The following CCDC171 variants were observed in gnomAD, a reference collection of about 807,000 sequenced individuals.
CCDC171 encodes the protein coiled-coil domain-containing protein 171.
A neutral mutation model predicts 168.2 loss-of-function variants in CCDC171; 177 were observed. The ratio of observed to expected loss-of-function variants is 1.05; its 90% CI spans 0.93 to 1.19. The LOEUF (loss-of-function observed/expected upper bound fraction) is 1.19, where lower values mean the gene tolerates loss of function less well. CCDC171 is among the 50% of genes most tolerant of loss of function. The probability of loss-of-function intolerance (pLI) is 0.00; values close to 1 mark genes in which losing one functional copy is unlikely to be tolerated. For synonymous variants in CCDC171, 687 were observed against 540.8 expected (o/e 1.27, Z -3.75); for missense variants, 1,991 against 1,539.0 (o/e 1.29, Z -4.91).
chr9:15,614,067 T>C (rs992532049), intron 6 of CCDC171, among the ~76,000 whole-genome samples: 1 of 152,194 alleles, frequency 6.6e-6, no homozygotes, highest in African/African-American at 2.4e-5. Context: ...CATTCAATGC[T>C]TTTGTGGGCT....
In CCDC171 at chr9:15,744,724, G is replaced by A. The variant is rs1393218007; in HGVS notation, c.2501G>A (p.Gly834Asp). ...ACCTGGATGGAGAGTTTCAAAGAAG[G>A]CATAGGCATGTTAGTGTGCACAGGA... is the stretch of plus-strand genomic sequence containing the variant. ...LFTWMESFKE[G>D]IGMLVCTGEP... The change falls in exon 17 of 26, where the codon GGC (glycine) becomes GAC (aspartate). Residue 834 changes from glycine to aspartate, a missense_variant. By Grantham distance (94) the Gly-to-Asp change is moderately conservative. Coordinates refer to ENST00000380701, the MANE Select transcript of CCDC171 (RefSeq NM_173550.4). 6.2e-7 allele frequency: 1 copy of A among 1,614,016 alleles called. No homozygotes were observed.
chr9:15,695,191 T>C, intron 10 of CCDC171, 44 bp from the exon 11 acceptor site: 1 of 1,294,380 alleles, frequency 7.7e-7, no homozygotes, highest in Non-Finnish European at 1.1e-6. Context: ...TATGCAGCTC[T>C]TATAATACGT....
intron 24 of CCDC171, chr9:15,886,057 T>C (rs755866390): frequency 1.3e-5 from 2 of 152,182 alleles, no homozygotes; most frequent in Non-Finnish European, 2.9e-5. Context: ...AAAAATATTT[T>C]ATTTAGGATA....
intron 21 of CCDC171, among the ~76,000 whole-genome samples, chr9:15,838,232 G>C (rs2060531914): frequency 6.6e-6 from 1 of 152,098 alleles, no homozygotes; most frequent in African/African-American, 2.4e-5. Flanking sequence ...GCATATTAAG[G>C]AAAACTATTA....
At chr9:15,997,278 C>T (rs1450110646) in intron 3 of CCDC171, among the ~76,000 whole-genome samples, 3 of 152,274 alleles carry the variant, frequency 2.0e-5, no homozygotes, top group African/African-American at 7.2e-5. Flanking sequence ...TAGAGAAGTC[C>T]TGTTTGGGGC....
intron 20 of CCDC171, among the ~76,000 whole-genome samples, chr9:15,779,819 C>T (rs181446419): frequency 6.6e-5 from 10 of 152,276 alleles, no homozygotes; most frequent in Admixed American, 2.0e-4. Context: ...AGTCGTATGC[C>T]AAATACCATT....
intron 11 of CCDC171, among the ~76,000 whole-genome samples, chr9:15,709,255 A>G (rs1368465201): frequency 6.6e-6 from 1 of 152,212 alleles, no homozygotes; most frequent in African/African-American, 2.4e-5. Flanking sequence ...AGAATGACAT[A>G]AGGAAGGAGT....
chr9:15,883,819 A>G (rs553250767), intron 24 of CCDC171, among the ~76,000 whole-genome samples: 1 of 152,314 alleles, frequency 6.6e-6, no homozygotes, highest in African/African-American at 2.4e-5. Context: ...TAGATTTATA[A>G]ATTCATTTTT....
At chr9:16,035,745 G>T (rs141539704) in intron 7 of CCDC171, among the ~76,000 whole-genome samples, 1 of 152,082 alleles carries the variant, frequency 6.6e-6, no homozygotes, top group African/African-American at 2.4e-5. Context: ...CCTTACTGAA[G>T]ATTAGAAGAG....
chr9:15,676,809 C>G (rs1451289903), intron 9 of CCDC171, among the ~76,000 whole-genome samples: 1 of 152,100 alleles, frequency 6.6e-6, no homozygotes, highest in East Asian at 1.9e-4. Flanking sequence ...TTTGAGAAGT[C>G]TGAAGTCAGT....
chr9:15,959,998 G>A (rs1446417084), intron 25 of CCDC171, among the ~76,000 whole-genome samples: 6 of 152,186 alleles, frequency 3.9e-5, no homozygotes, highest in Non-Finnish European at 7.3e-5. Context: ...ATTGAAGGCA[G>A]ACCCTGTTGG....
chr9:16,102,554 G>A, the CCDC171 span, among the ~76,000 whole-genome samples: 3 of 152,096 alleles, frequency 2.0e-5, no homozygotes, highest in Non-Finnish European at 2.9e-5. Flanking sequence ...AGGTGAAACC[G>A]TCTAGAACCT....
At chr9:16,061,436 G>T (rs563022038), downstream of CCDC171, 1 of 152,108 alleles carries the variant, frequency 6.6e-6, no homozygotes, top group African/African-American at 2.4e-5. Flanking sequence ...TTCTAATAGT[G>T]TTGTGATTTT....
rs530173061 is a variant in CCDC171 at position 15,656,880 on chromosome 9, A to T, written c.823-247A>T. The stretch of plus-strand genomic sequence containing the variant: ...GTGTGTGTATAAAAATTTATCAAAA[A>T]GTATATTTTCACTATGTGTAGGTTA... On this transcript the variant is annotated intron_variant, in intron 7 of 25. Transcript: ENST00000380701. 2.1e-4 allele frequency among the ~76,000 whole-genome samples: 32 copies of T among 152,168 alleles called. No homozygotes were observed. The South Asian group carries it at 6.4e-3, about 31-fold the overall frequency.
At chr9:16,068,509 C>G in the CCDC171 span, among the ~76,000 whole-genome samples, 1 of 152,202 alleles carries the variant, frequency 6.6e-6, no homozygotes, top group Non-Finnish European at 1.5e-5. Context: ...ACTGTGATGG[C>G]TAAAAGCACA....
chr9:15,738,168 C>A (rs1253145835), intron 16 of CCDC171, among the ~76,000 whole-genome samples: 1 of 152,106 alleles, frequency 6.6e-6, no homozygotes, highest in Admixed American at 6.6e-5. Context: ...AAGAGTGATA[C>A]AAAAGAATTT....
chr9:15,724,628 A>G (rs1169430391), intron 13 of CCDC171, 148 bp from the exon 14 acceptor site: 6 of 564,280 alleles, frequency 1.1e-5, no homozygotes, highest in Non-Finnish European at 1.9e-5. Context: ...ATTCAGTAAA[A>G]TATTTTAATG....
At position 15,614,063 on chromosome 9, in the gene CCDC171, A is replaced by G. The variant is rs558013247; in HGVS notation, c.676-9204A>G. Reference sequence around the variant, plus strand: ...TTCTTTATGTTGGAGTATGCATTCAATGCTTTTGTGGGCTGATCAAAACTC... The same window carrying G: ...TTCTTTATGTTGGAGTATGCATTCAGTGCTTTTGTGGGCTGATCAAAACTC... On this transcript the variant is annotated intron_variant, in intron 6 of 25. Coordinates refer to ENST00000380701, the MANE Select transcript of CCDC171 (RefSeq NM_173550.4). 5.9e-5 allele frequency among the ~76,000 whole-genome samples: 9 copies of G among 152,274 alleles called. No individual in the cohort carries two copies. The South Asian group carries it at 1.0e-3, about 18-fold the overall frequency.
chr9:16,027,772 GATTA>G (rs898404574), intron 6 of CCDC171, among the ~76,000 whole-genome samples: 5 of 152,166 alleles, frequency 3.3e-5, no homozygotes, highest in Non-Finnish European at 5.9e-5. Context: ...CGGCAGCCCT[GATTA>G]ATTAAACATC....
Sources: gnomAD v4.1 joint callset for allele counts (sites outside exome capture counted in the v4.1 genomes callset) on GRCh38, gnomAD v4.1.1 for gene constraint, MANE v1.5 for transcripts, NCBI Gene and HGNC (gene_info 2026-07-23, HGNC 2026-07-21) for gene names.